The following SLC24A3 variants were observed in gnomAD, a reference collection of about 807,000 sequenced individuals.
SLC24A3 encodes the protein sodium/potassium/calcium exchanger 3.
A neutral mutation model predicts 75.8 loss-of-function variants in SLC24A3; 28 were observed. The observed-to-expected ratio is 0.37, with a 90% CI of 0.27 to 0.51. SLC24A3 has a LOEUF of 0.51. Ranked by LOEUF, SLC24A3 falls within the 20% of genes least tolerant of loss-of-function variation. The pLI is 0.94. For synonymous variants in SLC24A3, 372 were observed against 334.1 expected (o/e 1.11, Z -1.24); for missense variants, 663 against 847.8 (o/e 0.78, Z 2.71).
intron 6 of SLC24A3, among the ~76,000 whole-genome samples, chr20:19,610,024 A>G (rs1488309487): frequency 6.6e-6 from 1 of 152,230 alleles, no homozygotes; most frequent in Non-Finnish European, 1.5e-5. Flanking sequence ...CAGGTGGAAA[A>G]CTGCTCATTT....
In SLC24A3 at chr20:19,720,983, C is replaced by A; in HGVS notation, c.1786-8C>A. 2.5e-6 allele frequency: 4 copies of A among 1,613,286 alleles called. No individual in the cohort carries two copies. Among genetic ancestry groups the A allele is most frequent in the Non-Finnish European group, 2.5e-6 (3 of 1,179,798 alleles). On this transcript the variant is annotated splice_polypyrimidine_tract_variant and splice_region_variant and intron_variant, in intron 16 of 16. Transcript: ENST00000328041. ...TGGTGCCCTCTGAACCTGTTCTGTG[C>A]CCTGCAGGTGTTCGGCGTCCACCTG...
chr20:19,395,373 A>T (rs1439406787), intron 2 of SLC24A3, among the ~76,000 whole-genome samples: 1 of 152,246 alleles, frequency 6.6e-6, no homozygotes, highest in East Asian at 1.9e-4. Flanking sequence ...GTCACTTATG[A>T]TCCACATGAT....
chr20:19,622,512 G>C (rs1162291638), intron 6 of SLC24A3, among the ~76,000 whole-genome samples: 2 of 152,126 alleles, frequency 1.3e-5, no homozygotes, highest in East Asian at 3.9e-4. Context: ...TATATTTCAG[G>C]GAGCATGGTT....
chr20:19,538,618 C>A (rs980211908), intron 3 of SLC24A3, among the ~76,000 whole-genome samples: 1 of 152,128 alleles, frequency 6.6e-6, no homozygotes, highest in Non-Finnish European at 1.5e-5. Flanking sequence ...CGAGCAAAAC[C>A]AAGTGTTGAC....
chr20:19,296,009 CTATT>C (rs1463719208), intron 2 of SLC24A3, among the ~76,000 whole-genome samples: 6 of 152,134 alleles, frequency 3.9e-5, no homozygotes, highest in Admixed American at 3.9e-4. Context: ...GGTTGGTAGG[CTATT>C]TATTACTGTC....
At chr20:19,569,082 G>A (rs2031007729) in intron 3 of SLC24A3, among the ~76,000 whole-genome samples, 1 of 152,192 alleles carries the variant, frequency 6.6e-6, no homozygotes, top group Admixed American at 6.5e-5. Flanking sequence ...GAAAGAGTGG[G>A]TCAGGGAACC....
At chr20:19,225,212 G>A (rs1260631437) in intron 1 of SLC24A3, among the ~76,000 whole-genome samples, 1 of 152,110 alleles carries the variant, frequency 6.6e-6, no homozygotes, top group Non-Finnish European at 1.5e-5. Context: ...CATCCTTCTT[G>A]TTGGAATTCT....
intron 2 of SLC24A3, among the ~76,000 whole-genome samples, chr20:19,404,944 T>C (rs1279626143): frequency 6.6e-6 from 1 of 152,114 alleles, no homozygotes; most frequent in Admixed American, 6.5e-5. Context: ...TCAGTTTTTT[T>C]CCACTGTCTC....
chr20:19,467,510 T>C (rs1234011723), intron 2 of SLC24A3, among the ~76,000 whole-genome samples: 1 of 152,200 alleles, frequency 6.6e-6, no homozygotes, highest in East Asian at 1.9e-4. Flanking sequence ...AGCCTGGAGA[T>C]ACTCACTTTG....
At chr20:19,402,611 A>C (rs189123585) in intron 2 of SLC24A3, among the ~76,000 whole-genome samples, 3 of 152,366 alleles carry the variant, frequency 2.0e-5, no homozygotes, top group East Asian at 1.9e-4. Context: ...CAGAACATTT[A>C]AAATCTATTG....
At chr20:19,569,696 G>A (rs2031019968) in intron 3 of SLC24A3, among the ~76,000 whole-genome samples, 1 of 151,596 alleles carries the variant, frequency 6.6e-6, no homozygotes, top group Non-Finnish European at 1.5e-5. Flanking sequence ...GGCTCTCCAG[G>A]GTCTGGCGGC....
At chr20:19,458,301 A>G (rs753875824) in intron 2 of SLC24A3, among the ~76,000 whole-genome samples, 1 of 152,314 alleles carries the variant, frequency 6.6e-6, no homozygotes. Context: ...AAGGGTAGGT[A>G]TATAAAAATT....
chr20:19,291,845 G>T (rs1206084776), intron 2 of SLC24A3, among the ~76,000 whole-genome samples: 1 of 152,232 alleles, frequency 6.6e-6, no homozygotes, highest in Non-Finnish European at 1.5e-5. Flanking sequence ...AAGGCAAGAA[G>T]CTGCAGACCC....
intron 1 of SLC24A3, among the ~76,000 whole-genome samples, chr20:19,277,156 C>T (rs2122218559): frequency 6.6e-6 from 1 of 152,334 alleles, no homozygotes; most frequent in African/African-American, 2.4e-5. Context: ...TTTGAGGTCA[C>T]TATACCTGGG....
intron 6 of SLC24A3, among the ~76,000 whole-genome samples, chr20:19,591,619 T>C (rs111391370): frequency 0.015 from 2,248 of 152,132 alleles, 21 homozygotes; most frequent in Non-Finnish European, 0.023. Context: ...CATCCCCCCA[T>C]AGCATCATCA....
chr20:19,720,859 C>G lies in SLC24A3; in HGVS notation c.1786-132C>G, dbSNP rs1433071654. Reference sequence around the variant, plus strand: ...AGACGAGAGGTGGATTTTGCAGGCTCAGAGAGGATCAGCACCCTGCCCGAG... The same window carrying G: ...AGACGAGAGGTGGATTTTGCAGGCTGAGAGAGGATCAGCACCCTGCCCGAG... On this transcript the variant is annotated intron_variant, in intron 16 of 16. Transcript: ENST00000328041. 3.2e-6 allele frequency: 3 copies of G among 925,340 alleles called. No individual in the cohort carries two copies. The African/African-American group carries it at 5.0e-5, about 16-fold the overall frequency. 57.3% of individuals were successfully genotyped at this position (925,340 alleles called of 1,614,324 possible).
At chr20:19,262,336 C>T (rs6514984) in intron 1 of SLC24A3, among the ~76,000 whole-genome samples, 50,348 of 142,446 alleles carry the variant, frequency 0.35, 9,622 homozygotes, top group East Asian at 0.8. Flanking sequence ...ACCCGGGAGG[C>T]GGAGCTTGCA....
chr20:19,480,525 G>T (rs1213136973), intron 2 of SLC24A3, among the ~76,000 whole-genome samples: 1 of 152,158 alleles, frequency 6.6e-6, no homozygotes, highest in African/African-American at 2.4e-5. Flanking sequence ...ACTAGTTGGG[G>T]TCTTGCCTAC....
At chr20:19,350,901 C>T (rs1032343673) in intron 2 of SLC24A3, among the ~76,000 whole-genome samples, 2 of 135,924 alleles carry the variant, frequency 1.5e-5, no homozygotes, top group African/African-American at 5.0e-5. Flanking sequence ...GTTCCACTCA[C>T]CTCTGTCCAG....
Sources: allele counts gnomAD v4.1 joint callset (sites outside exome capture counted in the v4.1 genomes callset), GRCh38; gene constraint gnomAD v4.1.1; transcripts MANE v1.5; gene names NCBI Gene and HGNC (gene_info 2026-07-23, HGNC 2026-07-21).